The following SLC35F3 variants were observed in gnomAD, a reference collection of about 807,000 sequenced individuals.
The protein encoded by SLC35F3 is putative thiamine transporter SLC35F3.
SLC35F3 carries 25 observed loss-of-function variants against 49.9 expected under a neutral mutation model. The ratio of observed to expected loss-of-function variants is 0.50; its 90% confidence interval spans 0.37 to 0.70. The LOEUF is 0.70. Among genes scored for constraint, SLC35F3 ranks in the 30% least tolerant of loss-of-function variants. The pLI is 0.00. For missense variants in SLC35F3, 525 were observed against 639.8 expected, an observed-to-expected ratio of 0.82 and a Z score of 1.94; for synonymous variants, 275 against 265.4, an observed-to-expected ratio of 1.04 and a Z score of -0.35.
chr1:234,268,325 C>G (rs558023879), intron 3 of SLC35F3, among the ~76,000 whole-genome samples: 2 of 139,266 alleles, frequency 1.4e-5, no homozygotes, highest in Admixed American at 7.3e-5. Flanking sequence ...CGTGGCGGCG[C>G]GCGCCTGCAA....
At chr1:234,043,212 C>T (rs1161546578) in intron 2 of SLC35F3, among the ~76,000 whole-genome samples, 1 of 152,166 alleles carries the variant, frequency 6.6e-6, no homozygotes, top group African/African-American at 2.4e-5. Flanking sequence ...GTTCATCTTT[C>T]CTAGGTATGC....
Position 234,321,423 on chromosome 1 carries a change from C to G in SLC35F3, c.1237+1236C>G, listed in dbSNP as rs551372375. ...CCAGATGAAATAACCGATGAGACAG[C>G]ATTTCAAAATGCAGAAAGCACCTGA... On this transcript the variant is annotated intron_variant, in intron 7 of 7. Transcript: ENST00000366618. Among the ~76,000 whole-genome samples, 3 of 152,364 alleles carry G rather than the reference C, an allele frequency of 2.0e-5. No individual in the cohort carries two copies. In the South Asian group the frequency reaches 6.2e-4, roughly 32 times the overall value.
At chr1:234,322,253 C>G (rs1467968035) in intron 7 of SLC35F3, among the ~76,000 whole-genome samples, 1 of 151,840 alleles carries the variant, frequency 6.6e-6, no homozygotes, top group Non-Finnish European at 1.5e-5. Flanking sequence ...GGCACAAACC[C>G]CTGAATAGTT....
chr1:234,017,607 G>A lies in SLC35F3; in HGVS notation c.283+111849G>A, dbSNP rs180695072. ...CGGGTGCCTGTAGTCCCAGCTACTC[G>A]GGAGGCTGAGGCAGGAGAATGGCAT... On this transcript the variant is annotated intron_variant, in intron 2 of 7. Coordinates refer to ENST00000366618, the MANE Select transcript of SLC35F3 (RefSeq NM_173508.4). Among the ~76,000 whole-genome samples, 1,643 of 150,944 alleles carry A rather than the reference G, an allele frequency of 0.011. 60 individuals are homozygous for A. In the East Asian group the frequency reaches 0.12, roughly 11 times the overall value.
chr1:234,210,839 A>G (rs772464789), intron 2 of SLC35F3, among the ~76,000 whole-genome samples: 1 of 152,244 alleles, frequency 6.6e-6, no homozygotes, highest in Non-Finnish European at 1.5e-5. Flanking sequence ...AAATTTGCAT[A>G]AATAACAAGG....
At chr1:234,082,713 C>T (rs767250359) in intron 2 of SLC35F3, among the ~76,000 whole-genome samples, 67 of 152,146 alleles carry the variant, frequency 4.4e-4, no homozygotes, top group Non-Finnish European at 7.2e-4. Flanking sequence ...GGGGAGGCCT[C>T]ACAATCATGG....
At chr1:233,914,034 AGGCACCTTTGGAAT>A (rs1399082707) in intron 2 of SLC35F3, among the ~76,000 whole-genome samples, 1 of 152,176 alleles carries the variant, frequency 6.6e-6, no homozygotes, top group Non-Finnish European at 1.5e-5. Context: ...CCATCAGAGC[AGGCACCTTTGGAAT>A]GGCTTCCCAG....
chr1:234,235,542 G>A (rs1353770595), intron 3 of SLC35F3, among the ~76,000 whole-genome samples: 1 of 152,228 alleles, frequency 6.6e-6, no homozygotes, highest in Non-Finnish European at 1.5e-5. Flanking sequence ...AGATCTGAGA[G>A]GTCAGCAGAG....
chr1:234,152,929 G>T (rs1481602482), intron 2 of SLC35F3, among the ~76,000 whole-genome samples: 1 of 152,128 alleles, frequency 6.6e-6, no homozygotes, highest in Non-Finnish European at 1.5e-5. Flanking sequence ...TCTAACTGGC[G>T]TGAGATGGTG....
intron 3 of SLC35F3, among the ~76,000 whole-genome samples, chr1:234,246,279 A>G (rs941263329): frequency 2.0e-5 from 3 of 152,084 alleles, no homozygotes; most frequent in African/African-American, 4.8e-5. Context: ...CCAGAGAGCA[A>G]TCAGGACCCT....
intron 2 of SLC35F3, among the ~76,000 whole-genome samples, chr1:234,107,582 C>T (rs1665303224): frequency 6.6e-6 from 1 of 152,032 alleles, no homozygotes; most frequent in South Asian, 2.1e-4. Context: ...ATGTGTATGA[C>T]TACTAGATGA....
intron 3 of SLC35F3, among the ~76,000 whole-genome samples, chr1:234,262,548 T>C (rs1181505157): frequency 6.6e-6 from 1 of 152,182 alleles, no homozygotes; most frequent in Non-Finnish European, 1.5e-5. Context: ...TCCACTTCCT[T>C]CTAGGTAAGC....
intron 3 of SLC35F3, among the ~76,000 whole-genome samples, chr1:234,302,923 G>GT (rs781334209): frequency 6.6e-6 from 1 of 152,138 alleles, no homozygotes; most frequent in African/African-American, 2.4e-5. Flanking sequence ...CAAAATAGTA[G>GT]TAAAAGAATT....
chr1:234,073,335 G>A (rs1255012401), intron 2 of SLC35F3, among the ~76,000 whole-genome samples: 1 of 151,978 alleles, frequency 6.6e-6, no homozygotes, highest in Non-Finnish European at 1.5e-5. Flanking sequence ...TTGTAGAGAT[G>A]GGATCGCACT....
rs150877147 is a variant in SLC35F3 at position 233,912,630 on chromosome 1, A to G, written c.283+6872A>G. Among the ~76,000 whole-genome samples, 481 of 152,312 alleles carry G rather than the reference A, an allele frequency of 3.2e-3. 5 individuals are homozygous for G. The highest frequency in any genetic ancestry group is 0.011 in the African/African-American group (451 of 41,572). ...CCAGGCCCCCCAGTGGATACTGTGGATAGTACTGAACCCAATATACACTAT... is the reference window on the plus strand; with the variant it reads ...CCAGGCCCCCCAGTGGATACTGTGGGTAGTACTGAACCCAATATACACTAT... On this transcript the variant is annotated intron_variant, in intron 2 of 7. Transcript: ENST00000366618.
At chr1:234,139,946 C>T (rs1289977326) in intron 2 of SLC35F3, among the ~76,000 whole-genome samples, 1 of 11,056 alleles carries the variant, frequency 9.0e-5, no homozygotes, top group East Asian at 9.8e-3. Context: ...GACTCCATCT[C>T]AAAATAATAA....
chr1:234,266,028 C>T (rs1427126693), intron 3 of SLC35F3, among the ~76,000 whole-genome samples: 3 of 152,194 alleles, frequency 2.0e-5, no homozygotes, highest in Non-Finnish European at 4.4e-5. Context: ...GTCCCACTCC[C>T]TCTCTCCTGC....
intron 2 of SLC35F3, among the ~76,000 whole-genome samples, chr1:233,977,214 T>C (rs1389082251): frequency 6.6e-6 from 1 of 152,246 alleles, no homozygotes. Context: ...TTTTGGAGCC[T>C]GGTGCTTCCC....
intron 2 of SLC35F3, among the ~76,000 whole-genome samples, chr1:234,094,363 A>G (rs1168951872): frequency 6.6e-5 from 10 of 152,240 alleles, no homozygotes; most frequent in Non-Finnish European, 1.3e-4. Flanking sequence ...CTCTAGCTTC[A>G]TGCAATGAAT....
Sources: gnomAD v4.1 joint callset for allele counts (sites outside exome capture counted in the v4.1 genomes callset) on GRCh38, gnomAD v4.1.1 for gene constraint, MANE v1.5 for transcripts, NCBI Gene and HGNC (gene_info 2026-07-23, HGNC 2026-07-21) for gene names.